The following SUV39H2 variants were observed in gnomAD, a reference collection of about 807,000 sequenced individuals.
SUV39H2 encodes histone-lysine N-methyltransferase SUV39H2.
SUV39H2 carries 10 observed loss-of-function variants against 47.5 expected under a neutral mutation model. The observed-to-expected ratio is 0.21, with a 90% CI of 0.13 to 0.36. The LOEUF (loss-of-function observed/expected upper bound fraction) is 0.36, where lower values mean the gene tolerates loss of function less well. Among genes scored for constraint, SUV39H2 ranks in the 10% least tolerant of loss-of-function variants. The probability of loss-of-function intolerance (pLI) is 1.00; values close to 1 mark genes in which losing one functional copy is unlikely to be tolerated. For synonymous variants in SUV39H2, 159 were observed against 166.8 expected (o/e 0.95, Z 0.36); for missense variants, 266 against 487.4 (o/e 0.55, Z 4.28).
At chr10:14,882,864 GTTT>G (rs869065558) in intron 2 of SUV39H2, among the ~76,000 whole-genome samples, 2 of 137,070 alleles carry the variant, frequency 1.5e-5, no homozygotes, top group Non-Finnish European at 1.6e-5. Context: ...CCCTATAGGA[GTTT>G]TTTTTTTTTT....
chr10:14,899,283 G>A lies in SUV39H2; in HGVS notation c.850-256G>A, dbSNP rs904972641. The A allele has an allele frequency of 1.2e-4, 82 of 702,088 alleles. 1 individual carries two copies. The highest frequency in any genetic ancestry group is 7.3e-4 in the African/African-American group (42 of 57,268). The allele number at this position is 702,088 out of a possible 1,614,324, so 43.5% of individuals were successfully genotyped here. A position where few individuals can be genotyped will look rare whatever the true frequency, so the allele number is the denominator to read the frequency against. Reference sequence around the variant, plus strand: ...TACAGGGAGTCATGATGGCACCACCGCATTCTAGCCTGAGTGACAGAGTGA... The same window carrying A: ...TACAGGGAGTCATGATGGCACCACCACATTCTAGCCTGAGTGACAGAGTGA... On this transcript the variant is annotated intron_variant, in intron 3 of 5. Coordinates refer to ENST00000354919, the MANE Select transcript of SUV39H2 (RefSeq NM_001193424.2).
At chr10:14,882,274 T>C (rs1191071483) in intron 2 of SUV39H2, among the ~76,000 whole-genome samples, 1 of 152,250 alleles carries the variant, frequency 6.6e-6, no homozygotes, top group Non-Finnish European at 1.5e-5. Flanking sequence ...CCTACCTCAC[T>C]TTCCAAGAAC....
intron 1 of SUV39H2, chr10:14,879,875 T>C (rs1832991560): frequency 6.6e-6 from 1 of 152,044 alleles, no homozygotes; most frequent in Admixed American, 6.5e-5. Flanking sequence ...TGTCGAGAGA[T>C]TGTCTTTCTT....
chr10:14,883,970 G>A (rs575985346), intron 2 of SUV39H2, among the ~76,000 whole-genome samples: 14 of 152,220 alleles, frequency 9.2e-5, no homozygotes, highest in South Asian at 6.2e-4. Flanking sequence ...TTCACTCAGC[G>A]TGTTTTCAGG....
intron 1 of SUV39H2, among the ~76,000 whole-genome samples, chr10:14,881,020 G>T (rs113027507): frequency 6.6e-6 from 1 of 152,050 alleles, no homozygotes; most frequent in East Asian, 1.9e-4. Context: ...AGTTCGTTTT[G>T]TCCAGTTAAA....
chr10:14,895,412 G>C (rs1417220350), intron 2 of SUV39H2, among the ~76,000 whole-genome samples: 1 of 152,104 alleles, frequency 6.6e-6, no homozygotes, highest in Admixed American at 6.5e-5. Context: ...CTGGCCCCAA[G>C]TGATTCACCC....
At chr10:14,880,941 C>T (rs1048444708) in intron 1 of SUV39H2, among the ~76,000 whole-genome samples, 9 of 151,986 alleles carry the variant, frequency 5.9e-5, no homozygotes, top group Non-Finnish European at 1.3e-4. Context: ...AAGCTTCATG[C>T]AACATATCAA....
At chr10:14,885,445 T>G (rs939130731) in intron 2 of SUV39H2, among the ~76,000 whole-genome samples, 1 of 152,248 alleles carries the variant, frequency 6.6e-6, no homozygotes, top group Non-Finnish European at 1.5e-5. Context: ...TCCTTTCCTG[T>G]TCATTCCTGC....
chr10:14,899,654 A>G lies in SUV39H2; in HGVS notation c.965A>G (p.Tyr322Cys). ...SDEFTVDAAR[Y>C]GNVSHFVNHS... ...GAATTCACAGTGGATGCGGCTCGAT[A>G]CGGCAATGTGTCTCATTTTGTGAAT... The change falls in exon 4 of 6, where the codon TAC (tyrosine) becomes TGC (cysteine). Residue 322 changes from tyrosine to cysteine, a missense_variant. Physicochemically the swap from Tyr to Cys is radical, Grantham distance 194 (BLOSUM62 -2). Coordinates refer to ENST00000354919, the MANE Select transcript of SUV39H2 (RefSeq NM_001193424.2). 6.2e-7 allele frequency: 1 copy of G among 1,613,996 alleles called. No individual in the cohort carries two copies. The highest frequency in any genetic ancestry group is 2.2e-5 in the East Asian group (1 of 44,886).
intron 3 of SUV39H2, chr10:14,899,226 A>G (rs1344249867): frequency 1.4e-6 from 1 of 702,224 alleles, no homozygotes; most frequent in South Asian, 1.5e-5. Flanking sequence ...AGGCTGAGGC[A>G]GGAAGATCGC....
intron 5 of SUV39H2, among the ~76,000 whole-genome samples, 171 bp downstream of exon 5, chr10:14,901,433 C>T (rs577450940): frequency 6.6e-6 from 1 of 152,322 alleles, no homozygotes; most frequent in South Asian, 2.1e-4. Context: ...AATACTAGAA[C>T]CCAGGTCTGC....
At chr10:14,892,819 T>C (rs1162229959) in intron 2 of SUV39H2, among the ~76,000 whole-genome samples, 1 of 143,704 alleles carries the variant, frequency 7.0e-6, no homozygotes, top group East Asian at 1.9e-4. Flanking sequence ...GAAATGTCTT[T>C]TTTTTTTTTT....
intron 1 of SUV39H2, among the ~76,000 whole-genome samples, chr10:14,880,587 A>G (rs1180524664): frequency 6.6e-6 from 1 of 152,214 alleles, no homozygotes; most frequent in Admixed American, 6.5e-5. Context: ...AGTGCTTACC[A>G]TGACACTAGC....
Position 14,901,543 on chromosome 10 carries a change from G to GT in SUV39H2, c.1126+282dup, listed in dbSNP as rs746052665. ...ATAGCATCTTAATACTGTACTACTTGTCTTTTTTTTTTTTTTTAAATTGTG... is the reference window on the plus strand; with the variant it reads ...ATAGCATCTTAATACTGTACTACTTGTTCTTTTTTTTTTTTTTTAAATTGTG... On this transcript the variant is annotated intron_variant, in intron 5 of 5. Transcript: ENST00000354919. Among the ~76,000 whole-genome samples, 1,496 of 146,388 alleles carry GT rather than the reference G, an allele frequency of 0.01. 56 individuals are homozygous for GT. The East Asian group carries it at 0.14, about 14-fold the overall frequency.
intron 3 of SUV39H2, chr10:14,899,318 TAAA>T (rs373363202): frequency 6.5e-6 from 4 of 610,716 alleles, no homozygotes; most frequent in Admixed American, 2.5e-5. Context: ...AGACCCTGTT[TAAA>T]AAAAAAAGGT....
At chr10:14,900,147 G>A (rs1833898564) in intron 4 of SUV39H2, among the ~76,000 whole-genome samples, 1 of 152,128 alleles carries the variant, frequency 6.6e-6, no homozygotes, top group African/African-American at 2.4e-5. Context: ...GAGTATTTAT[G>A]TAGGGCTATT....
intron 2 of SUV39H2, among the ~76,000 whole-genome samples, chr10:14,890,083 C>G (rs529350840): frequency 6.6e-6 from 1 of 152,240 alleles, no homozygotes; most frequent in Non-Finnish European, 1.5e-5. Flanking sequence ...TGGCGTGGCA[C>G]AAATTAATGA....
At chr10:14,887,588 GC>G (rs1833252969) in intron 2 of SUV39H2, among the ~76,000 whole-genome samples, 1 of 152,142 alleles carries the variant, frequency 6.6e-6, no homozygotes, top group South Asian at 2.1e-4. Context: ...AAAGTAATTG[GC>G]AAAAAGATAG....
intron 3 of SUV39H2, chr10:14,899,053 C>G: frequency 1.7e-6 from 1 of 582,764 alleles, no homozygotes. Context: ...ATAAATCAAC[C>G]AGTTACAGTT....
Sources: allele counts gnomAD v4.1 joint callset (sites outside exome capture counted in the v4.1 genomes callset), GRCh38; gene constraint gnomAD v4.1.1; transcripts MANE v1.5; gene names NCBI Gene and HGNC (gene_info 2026-07-23, HGNC 2026-07-21).